SLC9D1: variants seen among roughly 807,000 people sequenced by gnomAD.
SLC9D1 encodes the protein putative LAG1-interacting protein.
chr13:113,534,620 C>T, the SLC9D1 span: 1 of 258,212 alleles, frequency 3.9e-6, no homozygotes, highest in African/African-American at 2.2e-5. Context: ...GAGAACCCCT[C>T]TGCTACAAAA....
At chr13:113,501,824 T>C in the SLC9D1 span, 1 of 1,610,544 alleles carries the variant, frequency 6.2e-7, no homozygotes, top group South Asian at 1.1e-5. Context: ...GCCTACAATG[T>C]TTGGTTATAT....
At chr13:113,526,407 G>A in the SLC9D1 span, among the ~76,000 whole-genome samples, 1 of 152,126 alleles carries the variant, frequency 6.6e-6, no homozygotes. Context: ...ACTGAAGAAA[G>A]AAAAATATTT....
chr13:113,502,763 G>A, the SLC9D1 span, among the ~76,000 whole-genome samples: 1 of 152,220 alleles, frequency 6.6e-6, no homozygotes, highest in African/African-American at 2.4e-5. Flanking sequence ...GGACGGGGAG[G>A]AGTGCAGCCT....
At chr13:113,545,534 A>G in the SLC9D1 span, among the ~76,000 whole-genome samples, 1 of 152,224 alleles carries the variant, frequency 6.6e-6, no homozygotes, top group Non-Finnish European at 1.5e-5. Flanking sequence ...ACTGGAATGC[A>G]TTAGGCTCCA....
the SLC9D1 span, chr13:113,514,199 C>A: frequency 6.6e-6 from 1 of 151,886 alleles, no homozygotes. Flanking sequence ...ACTAACCTCA[C>A]TATGGGGACA....
At chr13:113,517,470 C>T in the SLC9D1 span, among the ~76,000 whole-genome samples, 8 of 152,024 alleles carry the variant, frequency 5.3e-5, no homozygotes, top group South Asian at 6.2e-4. Flanking sequence ...CCTCGTGATC[C>T]GCCCGCCTTG....
chr13:113,516,810 AAC>A, the SLC9D1 span, among the ~76,000 whole-genome samples: 2 of 152,166 alleles, frequency 1.3e-5, no homozygotes, highest in Admixed American at 6.5e-5. Flanking sequence ...CTGTGCTGAA[AAC>A]ACATAGAAAG....
At chr13:113,502,473 A>G in the SLC9D1 span, among the ~76,000 whole-genome samples, 2 of 152,108 alleles carry the variant, frequency 1.3e-5, no homozygotes, top group Non-Finnish European at 2.9e-5. Context: ...TCGGCCTCCA[A>G]AAGTGCTGAG....
At chr13:113,526,472 T>C in the SLC9D1 span, among the ~76,000 whole-genome samples, 28,122 of 151,874 alleles carry the variant, frequency 0.19, 3,437 homozygotes, top group African/African-American at 0.35. Flanking sequence ...GTAATCCTAG[T>C]CTTTGGGAGG....
At chr13:113,508,588 A>G in the SLC9D1 span, among the ~76,000 whole-genome samples, 1 of 152,206 alleles carries the variant, frequency 6.6e-6, no homozygotes, top group Non-Finnish European at 1.5e-5. Flanking sequence ...CGAGCAGAGT[A>G]GAGACTTACC....
At chr13:113,507,348 T>C in the SLC9D1 span, among the ~76,000 whole-genome samples, 2 of 152,272 alleles carry the variant, frequency 1.3e-5, no homozygotes, top group African/African-American at 4.8e-5. Context: ...ATTACTCAGG[T>C]ATAAATATCT....
the SLC9D1 span, chr13:113,510,519 A>G: frequency 6.5e-6 from 8 of 1,228,038 alleles, no homozygotes; most frequent in Non-Finnish European, 9.2e-6. Flanking sequence ...GAAAAATTGC[A>G]AAGTCTTATT....
chr13:113,514,697 A>T, the SLC9D1 span, among the ~76,000 whole-genome samples: 1 of 151,338 alleles, frequency 6.6e-6, no homozygotes, highest in East Asian at 1.9e-4. Flanking sequence ...TGGGACTGAG[A>T]TCGACGCCAT....
chr13:113,506,507 G>A, the SLC9D1 span, among the ~76,000 whole-genome samples: 2 of 152,126 alleles, frequency 1.3e-5, no homozygotes, highest in African/African-American at 2.4e-5. Flanking sequence ...ACGAGACTCC[G>A]TAAAAACACA....
the SLC9D1 span, among the ~76,000 whole-genome samples, chr13:113,538,307 T>C: frequency 1.3e-5 from 2 of 151,876 alleles, no homozygotes; most frequent in Non-Finnish European, 2.9e-5. Flanking sequence ...CACATGTGCG[T>C]GTGTGTGTGT....
chr13:113,501,952 A>T, the SLC9D1 span: 1 of 1,263,228 alleles, frequency 7.9e-7, no homozygotes, highest in Non-Finnish European at 1.1e-6. Flanking sequence ...AAGACTAAAA[A>T]GTATTGAATG....
the SLC9D1 span, among the ~76,000 whole-genome samples, chr13:113,493,118 GTA>G: frequency 6.6e-6 from 1 of 152,148 alleles, no homozygotes; most frequent in Non-Finnish European, 1.5e-5. Flanking sequence ...CATGTTATGA[GTA>G]TGTTTCAGTG....
chr13:113,539,811 GC>G, the SLC9D1 span, among the ~76,000 whole-genome samples: 16 of 152,170 alleles, frequency 1.1e-4, no homozygotes, highest in East Asian at 3.1e-3. The surrounding 1 kb of genome is among the most constrained non-coding windows in gnomAD (Gnocchi z 4.8). Flanking sequence ...AGATGATTTT[GC>G]CACCCAGGTA....
At chr13:113,519,082 C>T in the SLC9D1 span, among the ~76,000 whole-genome samples, 3 of 147,930 alleles carry the variant, frequency 2.0e-5, no homozygotes, top group African/African-American at 7.5e-5. Flanking sequence ...TCGCTCTTGT[C>T]CCCCAGGCTG....
Sources: gnomAD v4.1 joint callset for allele counts (sites outside exome capture counted in the v4.1 genomes callset) on GRCh38, gnomAD v4.1.1 for gene constraint, Gnocchi (gnomAD v3.1) non-coding constraint, MANE v1.5 for transcripts, NCBI Gene and HGNC (gene_info 2026-07-23, HGNC 2026-07-21) for gene names.